Variants in OS9 observed in about 807,000 individuals in gnomAD.
The protein encoded by OS9 is protein OS-9.
In OS9, 58 loss-of-function variants were observed where a neutral mutation model predicts 84.7. That is an observed-to-expected ratio of 0.68 (90% CI 0.55 to 0.85). OS9 has a LOEUF of 0.85. OS9 is among the 40% of genes least tolerant of loss of function. OS9 has a pLI of 0.00. For missense variants in OS9, 760 were observed against 850.9 expected (o/e 0.89, Z 1.33); for synonymous variants, 278 against 320.8 (o/e 0.87, Z 1.43).
intron 11 of OS9, among the ~76,000 whole-genome samples, chr12:57,718,662 T>C (rs1210322739): frequency 6.6e-6 from 1 of 152,128 alleles, no homozygotes; most frequent in Non-Finnish European, 1.5e-5. Context: ...CCCAGCACTT[T>C]GGGAGGCCGA....
Position 57,718,183 on chromosome 12 carries a change from A to C in OS9, c.1172A>C (p.Asp391Ala). Residue 391 changes from aspartate (D) to alanine (A), a missense_variant, in exon 11 of 15, where the codon GAT becomes GCT. Transcript: ENST00000315970. ...PNIGQEQPVD[D>A]AAEVPQREPE... ...ATAGGCCAAGAGCAGCCTGTGGATG[A>C]TGCTGCAGAAGTCCCTCAGAGGGAA... 1 of 1,614,148 alleles carries C rather than the reference A, an allele frequency of 6.2e-7. No homozygotes were observed. Among genetic ancestry groups the C allele is most frequent in the Non-Finnish European group, 8.5e-7 (1 of 1,180,020 alleles).
intron 2 of OS9, 109 bp downstream of exon 2, chr12:57,695,035 A>C: frequency 1.1e-6 from 1 of 876,158 alleles, no homozygotes; most frequent in Admixed American, 2.1e-5. Flanking sequence ...GTGGTTAAGA[A>C]GACCACTGGA....
intron 12 of OS9, chr12:57,719,509 GA>G: frequency 3.5e-6 from 1 of 289,506 alleles, no homozygotes; most frequent in Non-Finnish European, 6.5e-6. Context: ...TCTATATGCT[GA>G]AAACCACTTT....
intron 5 of OS9, among the ~76,000 whole-genome samples, chr12:57,700,833 G>A (rs547030142): frequency 6.6e-6 from 1 of 152,156 alleles, no homozygotes; most frequent in East Asian, 1.9e-4. Flanking sequence ...TGCCTCTAAA[G>A]GAAGGTCTAG....
intron 9 of OS9, among the ~76,000 whole-genome samples, chr12:57,717,061 C>G (rs1248419552): frequency 1.3e-5 from 2 of 152,132 alleles, no homozygotes; most frequent in Non-Finnish European, 2.9e-5. Flanking sequence ...AGTAGAAGGC[C>G]TGGAACTGAA....
At position 57,721,195 on chromosome 12, in the gene OS9, T is replaced by A. The variant is rs1954671608; in HGVS notation, c.*286T>A. 4 of 355,002 alleles carry A rather than the reference T, an allele frequency of 1.1e-5. No homozygotes were observed. The highest frequency in any genetic ancestry group is 8.7e-5 in the Admixed American group (2 of 22,974). 22.0% of individuals were successfully genotyped at this position (355,002 alleles called of 1,614,324 possible). A position where few individuals can be genotyped will look rare whatever the true frequency, so the allele number is the denominator to read the frequency against. On this transcript the variant is annotated 3_prime_UTR_variant, in exon 15 of 15. Transcript: ENST00000315970. ...TTTTCCTGTTATTGTCCCCTAATGA[T>A]AGGATATTCCCTGCTGCCTACCTGG...
rs145075502 is a variant in OS9, at chr12:57,709,977, C to T, written c.580-5783C>T. ...AAGAGATTCTCGTGCGTCAGCCTCCCAGGTAGCTGGAATTATAGGCGTGTG... is the reference window on the plus strand; with the variant it reads ...AAGAGATTCTCGTGCGTCAGCCTCCTAGGTAGCTGGAATTATAGGCGTGTG... On this transcript the variant is annotated intron_variant, in intron 5 of 14. Transcript: ENST00000315970. Among the ~76,000 whole-genome samples the T allele has an allele frequency of 2.4e-4, 37 of 152,144 alleles. No homozygotes were observed. In the East Asian group the frequency reaches 7.2e-3, roughly 29 times the overall value.
At chr12:57,696,904 G>C (rs1193206597) in intron 5 of OS9, among the ~76,000 whole-genome samples, 1 of 152,002 alleles carries the variant, frequency 6.6e-6, no homozygotes, top group Non-Finnish European at 1.5e-5. Context: ...ATGCTTTCTT[G>C]TGGTCGGTAC....
intron 12 of OS9, 143 bp from the exon 13 acceptor site, chr12:57,719,956 T>A: frequency 1.3e-6 from 1 of 760,348 alleles, no homozygotes; most frequent in South Asian, 1.8e-5. Flanking sequence ...GGGCACACAT[T>A]TTTTTGAGCC....
chr12:57,706,293 T>C (rs1334693610), intron 5 of OS9, among the ~76,000 whole-genome samples: 1 of 152,154 alleles, frequency 6.6e-6, no homozygotes, highest in Non-Finnish European at 1.5e-5. Context: ...AAAATGTTAA[T>C]TTATTTTCTA....
chr12:57,716,286 G>A (rs548268670), intron 7 of OS9, 93 bp downstream of exon 7: 6 of 752,288 alleles, frequency 8.0e-6, no homozygotes, highest in Admixed American at 2.3e-5. Context: ...GGGTGGGGGG[G>A]GGTGGAAAAG....
rs779600319 is a variant in OS9, at chr12:57,695,830, A to G, written c.390A>G (p.Gln130=). 5.0e-6 allele frequency: 8 copies of G among 1,610,872 alleles called. No homozygotes were observed. In the South Asian group the frequency reaches 6.6e-5, roughly 13 times the overall value. The change falls in exon 3 of 15, where the codon CAA becomes CAG. Residue 130 remains glutamine, a synonymous_variant. Coordinates refer to ENST00000315970, the MANE Select transcript of OS9 (RefSeq NM_006812.4). ...YEFCYGRHIQ[Q]YHMEDSEIKG... is the part of the protein sequence containing the mutation. ...TCTGTTATGGACGCCACATCCAGCA[A>G]TACCACATGGAAGGTAACTCACTCC... is the stretch of plus-strand genomic sequence containing the variant.
intron 5 of OS9, among the ~76,000 whole-genome samples, chr12:57,702,666 T>G (rs1954060169): frequency 6.6e-6 from 1 of 152,214 alleles, no homozygotes; most frequent in South Asian, 2.1e-4. Context: ...TCCATAGCAG[T>G]TGCATCATTT....
rs1565767030 is a variant in OS9, at chr12:57,697,913, ACACACACACATACAC to A, written c.579+1541_579+1555del. On this transcript the variant is annotated intron_variant, in intron 5 of 14. Transcript: ENST00000315970. ...CACGGAACCTAACATAAGCAAACAC[ACACACACACATACAC>A]ACACACACACACACACACACACACA... is the stretch of plus-strand genomic sequence containing the variant. Among the ~76,000 whole-genome samples, 507 of 124,528 alleles carry A rather than the reference ACACACACACATACAC, an allele frequency of 4.1e-3. 7 individuals are homozygous for A. Among genetic ancestry groups the A allele is most frequent in the African/African-American group, 0.014 (450 of 31,108 alleles). 81.7% of individuals were successfully genotyped at this position (124,528 alleles called of 152,430 possible).
At chr12:57,718,851 G>T in intron 11 of OS9, 142 bp from the exon 12 acceptor site, 1 of 655,520 alleles carries the variant, frequency 1.5e-6, no homozygotes, top group South Asian at 1.9e-5. Flanking sequence ...GTTGCAGTGA[G>T]CCGAGACGGC....
At chr12:57,710,235 T>C (rs1414321504) in intron 5 of OS9, among the ~76,000 whole-genome samples, 4 of 152,128 alleles carry the variant, frequency 2.6e-5, no homozygotes. Context: ...CTTGGGACAG[T>C]TTAAGTTTTC....
At chr12:57,709,103 T>G (rs1954255454) in intron 5 of OS9, among the ~76,000 whole-genome samples, 1 of 152,234 alleles carries the variant, frequency 6.6e-6, no homozygotes, top group African/African-American at 2.4e-5. Context: ...ACTCCCTTCT[T>G]TACTCTTTTC....
chr12:57,696,352 G>A lies in OS9; in HGVS notation c.558G>A (p.Arg186=), dbSNP rs780107855. 8.7e-6 allele frequency: 14 copies of A among 1,611,794 alleles called. No homozygotes were observed. The East Asian group carries it at 3.1e-4, about 36-fold the overall frequency. Residue 186 remains arginine, a synonymous_variant, in exon 5 of 15, where the codon AGG becomes AGA. Transcript: ENST00000315970. ...GGTCCAAGTGCGACCTTAATGGGAG[G>A]CCCCGGGAGGCCGAGGTTCGGGTGA... ...GNGSKCDLNG[R]PREAEVRFLC...
chr12:57,696,525 G>T, intron 5 of OS9, 152 bp downstream of exon 5: 1 of 568,360 alleles, frequency 1.8e-6, no homozygotes. Context: ...GCCGGGCGCA[G>T]TGGCTTATGC....
Sources: gnomAD v4.1 joint callset for allele counts (sites outside exome capture counted in the v4.1 genomes callset) on GRCh38, gnomAD v4.1.1 for gene constraint, MANE v1.5 for transcripts, NCBI Gene and HGNC (gene_info 2026-07-23, HGNC 2026-07-21) for gene names.